The following KLC1 variants were observed in gnomAD, a reference collection of about 807,000 sequenced individuals.
KLC1 encodes the protein kinesin light chain 1, also known as kinesin 2 60/70kDa.
Under a neutral mutation model 84.2 loss-of-function variants are expected in KLC1, and 30 were observed. That is an observed-to-expected ratio of 0.36 (90% CI 0.27 to 0.48). The LOEUF is 0.48. Ranked by LOEUF, KLC1 falls within the 20% of genes least tolerant of loss-of-function variation. The probability of loss-of-function intolerance (pLI) is 0.99; values close to 1 mark genes in which losing one functional copy is unlikely to be tolerated. For missense variants in KLC1, 499 were observed against 805.4 expected (o/e 0.62, Z 4.60); for synonymous variants, 289 against 293.3 (o/e 0.99, Z 0.15).
In KLC1 at chr14:103,686,028, G is replaced by A. The variant is rs577768283; in HGVS notation, c.1651-1053G>A. ...AACTAAGCCTTACAGCAAGGCATGTGCCGCACGTGCTCCGTGGTACTTAGA... is the reference window on the plus strand; with the variant it reads ...AACTAAGCCTTACAGCAAGGCATGTACCGCACGTGCTCCGTGGTACTTAGA... On this transcript the variant is annotated intron_variant, in intron 13 of 16. Transcript: ENST00000334553. 12 of 1,057,490 alleles carry A rather than the reference G, an allele frequency of 1.1e-5. No homozygotes were observed. In the South Asian group the frequency reaches 3.6e-4, roughly 32 times the overall value. The allele number at this position is 1,057,490 out of a possible 1,614,324, so 65.5% of individuals were successfully genotyped here. A position where few individuals can be genotyped will look rare whatever the true frequency, so the allele number is the denominator to read the frequency against.
chr14:103,698,537 G>A (rs1373919187), intron 15 of KLC1: 11 of 534,810 alleles, frequency 2.1e-5, no homozygotes, highest in Non-Finnish European at 3.4e-5. Flanking sequence ...TCTCCCCAAG[G>A]GCCAGCTCAG....
intron 1 of KLC1, among the ~76,000 whole-genome samples, chr14:103,652,328 G>A (rs1191861692): frequency 1.3e-5 from 2 of 152,112 alleles, no homozygotes; most frequent in East Asian, 3.9e-4. Context: ...CCAGGCCGGG[G>A]ATATATCATG....
At chr14:103,632,804 T>TA (rs961394095) in intron 1 of KLC1, among the ~76,000 whole-genome samples, 1 of 152,014 alleles carries the variant, frequency 6.6e-6, no homozygotes, top group Non-Finnish European at 1.5e-5. Context: ...CAGACCAGGT[T>TA]AAAGGCTGTG....
chr14:103,643,650 G>A lies in KLC1; in HGVS notation c.-1-10914G>A, dbSNP rs187936178. Among the ~76,000 whole-genome samples the A allele has an allele frequency of 1.3e-5, 2 of 152,276 alleles. 1 individual carries two copies. The highest frequency in any genetic ancestry group is 2.9e-5 in the Non-Finnish European group (2 of 68,018). The stretch of plus-strand genomic sequence containing the variant: ...CATTTAAGAAATACATTGGTTGACC[G>A]GGCATGGTGGCTCACGCCTGTAATC... On this transcript the variant is annotated intron_variant, in intron 1 of 16. Coordinates refer to ENST00000334553, the MANE Select transcript of KLC1 (RefSeq NM_001394837.1).
intron 1 of KLC1, among the ~76,000 whole-genome samples, chr14:103,651,901 C>T (rs2078474520): frequency 6.6e-6 from 1 of 152,216 alleles, no homozygotes; most frequent in African/African-American, 2.4e-5. Context: ...CATTGCCCCC[C>T]ACCACCGTGT....
At chr14:103,685,282 C>A in intron 13 of KLC1, 1 of 1,352,900 alleles carries the variant, frequency 7.4e-7, no homozygotes, top group Non-Finnish European at 9.5e-7. Context: ...ATTTTGGTCC[C>A]TATGTTTTTC....
intron 2 of KLC1, among the ~76,000 whole-genome samples, chr14:103,655,394 C>T (rs2078756495): frequency 6.6e-6 from 1 of 151,810 alleles, no homozygotes; most frequent in South Asian, 2.1e-4. Flanking sequence ...CCTCTGCCTC[C>T]TGGGCTCAAA....
At position 103,677,499 on chromosome 14, in the gene KLC1, A is replaced by C; in HGVS notation, c.1464A>C (p.Glu488Asp). 6.2e-7 allele frequency: 1 copy of C among 1,613,764 alleles called. No homozygotes were observed. Among genetic ancestry groups the C allele is most frequent in the Non-Finnish European group, 8.5e-7 (1 of 1,179,646 alleles). ...TTGAAGCTGCAGAAACGTTAGAAGA[A>C]GCTGCTATGAGGTCTCGTAAACAGG... ...GKFEAAETLE[E>D]AAMRSRKQGL... Residue 488 changes from glutamate to aspartate, a missense_variant, in exon 12 of 17, where the codon GAA (glutamate) becomes GAC (aspartate). Around this residue, in one of 3 missense-constraint regions of KLC1, gnomAD observed 167 missense variants for 208.8 expected, o/e 0.80. Transcript: ENST00000334553.
At chr14:103,700,798 C>T (rs1003837046) in intron 16 of KLC1, 71 bp downstream of exon 16, 5 of 1,211,386 alleles carry the variant, frequency 4.1e-6, no homozygotes, top group Non-Finnish European at 4.6e-6. Context: ...CATGCAGGGA[C>T]TGGGGGGAGC....
At chr14:103,670,552 T>G (rs1176614024) in intron 7 of KLC1, among the ~76,000 whole-genome samples, 2 of 151,170 alleles carry the variant, frequency 1.3e-5, no homozygotes, top group Non-Finnish European at 1.5e-5. Context: ...GGCCAGGATG[T>G]TCTCAATCTC....
rs71126053 is a variant in KLC1 at position 103,691,458 on chromosome 14, CTTTTTTTTTTTTTTT to C, written c.1782-887_1782-873del. Among the ~76,000 whole-genome samples, 154 of 68,842 alleles carry C rather than the reference CTTTTTTTTTTTTTTT, an allele frequency of 2.2e-3. 1 individual carries two copies. The highest frequency in any genetic ancestry group is 8.1e-3 in the African/African-American group (125 of 15,450). 45.2% of individuals were successfully genotyped at this position (68,842 alleles called of 152,430 possible). On this transcript the variant is annotated intron_variant, in intron 14 of 16. Transcript: ENST00000334553. ...TACAAGCATGAGCCACCACGCCTGG[CTTTTTTTTTTTTTTT>C]TTTTTTTTTTTTTGGTAGGTGGAGT...
chr14:103,699,551 T>G (rs1243844813), intron 15 of KLC1: 1 of 1,613,278 alleles, frequency 6.2e-7, no homozygotes, highest in Non-Finnish European at 8.5e-7. Flanking sequence ...GGGGACCTTC[T>G]TATTCACACA....
In KLC1 at chr14:103,669,625, T is replaced by G. The variant is rs373720867; in HGVS notation, c.885+27T>G. 57 of 1,404,986 alleles carry G rather than the reference T, an allele frequency of 4.1e-5. No individual in the cohort carries two copies. The African/African-American group carries it at 7.1e-4, about 18-fold the overall frequency. 87.0% of individuals were successfully genotyped at this position (1,404,986 alleles called of 1,614,324 possible). Reference sequence around the variant, plus strand: ...TTTGTATATCCAGTTCTTTCATTCTTTTAATATTTTATTTTCCCCATATAT... The same window carrying G: ...TTTGTATATCCAGTTCTTTCATTCTGTTAATATTTTATTTTCCCCATATAT... On this transcript the variant is annotated intron_variant, in intron 6 of 16. Coordinates refer to ENST00000334553, the MANE Select transcript of KLC1 (RefSeq NM_001394837.1).
intron 1 of KLC1, among the ~76,000 whole-genome samples, chr14:103,631,705 C>G (rs2076702086): frequency 6.6e-6 from 1 of 152,120 alleles, no homozygotes; most frequent in Admixed American, 6.6e-5. Context: ...TCCAGTGATT[C>G]TCCTGCCTCA....
At chr14:103,699,169 G>T in intron 15 of KLC1, 1 of 1,566,714 alleles carries the variant, frequency 6.4e-7, no homozygotes, top group Non-Finnish European at 8.6e-7. Flanking sequence ...CTCCTCCATG[G>T]CCTCTGTCAC....
At chr14:103,639,598 A>T (rs1318488759) in intron 1 of KLC1, among the ~76,000 whole-genome samples, 1 of 151,558 alleles carries the variant, frequency 6.6e-6, no homozygotes, top group Non-Finnish European at 1.5e-5. Context: ...GTGTGCCACC[A>T]CACCCAACTA....
At chr14:103,667,525 G>A (rs1428368810) in intron 5 of KLC1, among the ~76,000 whole-genome samples, 3 of 152,002 alleles carry the variant, frequency 2.0e-5, no homozygotes, top group Non-Finnish European at 2.9e-5. Flanking sequence ...TAGTAGAGAT[G>A]GGGTTTCACT....
In KLC1 at chr14:103,638,835, TAG is replaced by T. The variant is rs568289756; in HGVS notation, c.-2+9342_-2+9343del. On this transcript the variant is annotated intron_variant, in intron 1 of 16. Coordinates refer to ENST00000334553, the MANE Select transcript of KLC1 (RefSeq NM_001394837.1). ...ACAGTGGTGTGTGTATGTATGAACA[TAG>T]GGGTGTGTGTGAGCACAGTGGTGCA... is the stretch of plus-strand genomic sequence containing the variant. Among the ~76,000 whole-genome samples, 15 of 151,418 alleles carry T rather than the reference TAG, an allele frequency of 9.9e-5. No individual in the cohort carries two copies. In the East Asian group the frequency reaches 1.7e-3, roughly 18 times the overall value.
chr14:103,677,395 T>C lies in KLC1; in HGVS notation c.1380-20T>C. ...AGAGCTTATATGTCATAGTTCTGTA[T>C]GTCATGTGCTTTCTTACAGTCCAAC... On this transcript the variant is annotated intron_variant, in intron 11 of 16. Coordinates refer to ENST00000334553, the MANE Select transcript of KLC1 (RefSeq NM_001394837.1). 7.0e-7 allele frequency: 1 copy of C among 1,428,420 alleles called. No homozygotes were observed. The highest frequency in any genetic ancestry group is 9.9e-7 in the Non-Finnish European group (1 of 1,010,748). 88.5% of individuals were successfully genotyped at this position (1,428,420 alleles called of 1,614,324 possible).
Sources: gnomAD v4.1 joint callset for allele counts (sites outside exome capture counted in the v4.1 genomes callset) on GRCh38, gnomAD v4.1.1 for gene constraint, gnomAD v4.1.1 regional missense constraint, MANE v1.5 for transcripts, NCBI Gene and HGNC (gene_info 2026-07-23, HGNC 2026-07-21) for gene names.